ATP10B: variants seen among roughly 807,000 people sequenced by gnomAD.
ATP10B encodes the protein phospholipid-transporting ATPase VB.
ATP10B carries 122 observed loss-of-function variants against 141.2 expected under a neutral mutation model. The ratio of observed to expected loss-of-function variants is 0.86; its 90% CI spans 0.75 to 1.00. ATP10B has a LOEUF of 1.00. ATP10B is among the 50% of genes least tolerant of loss of function. The probability of loss-of-function intolerance (pLI) is 0.00; values close to 1 mark genes in which losing one functional copy is unlikely to be tolerated. For synonymous variants in ATP10B, 685 were observed against 692.0 expected (o/e 0.99, Z 0.16); for missense variants, 1,876 against 1,825.3 (o/e 1.03, Z -0.51).
intron 13 of ATP10B, among the ~76,000 whole-genome samples, chr5:160,630,193 TA>T (rs1758845703): frequency 6.6e-6 from 1 of 152,218 alleles, no homozygotes; most frequent in Non-Finnish European, 1.5e-5. Context: ...AATTGGAACT[TA>T]ACTCGTGTCA....
intron 22 of ATP10B, among the ~76,000 whole-genome samples, chr5:160,596,322 G>A (rs1756692546): frequency 6.6e-6 from 1 of 151,928 alleles, no homozygotes; most frequent in Non-Finnish European, 1.5e-5. Flanking sequence ...TGCAGAAAAG[G>A]CCTTTGACGA....
At chr5:160,669,818 T>C (rs143196458) in intron 7 of ATP10B, among the ~76,000 whole-genome samples, 423 of 149,858 alleles carry the variant, frequency 2.8e-3, no homozygotes, top group African/African-American at 0.01. Context: ...GCCAGGATGA[T>C]CTGGAACTCC....
In ATP10B at chr5:160,632,277, T is replaced by C. The variant is rs982935926; in HGVS notation, c.1472A>G (p.Gln491Arg). 2 of 1,614,090 alleles carry C rather than the reference T, an allele frequency of 1.2e-6. No individual in the cohort carries two copies. Among genetic ancestry groups the C allele is most frequent in the African/African-American group, 2.7e-5 (2 of 74,930 alleles). ...TTGGCTTCTCATAGTTGCTGGATCC[T>C]GGGCCCATCTAGCCGAGAAGGACAG... The part of the protein sequence containing the change: ...QCLSFSARWA[Q>R]DPATMRSQKG... The change falls in exon 13 of 26, where the codon CAG (glutamine) becomes CGG (arginine). Residue 491 changes from glutamine (Q) to arginine (R), a missense_variant. Physicochemically the swap from Gln to Arg is conservative, Grantham distance 43 (BLOSUM62 1). Transcript: ENST00000327245.
chr5:160,775,069 T>C (rs185229502), intron 2 of ATP10B, among the ~76,000 whole-genome samples: 36 of 152,374 alleles, frequency 2.4e-4, no homozygotes, highest in Admixed American at 6.5e-4. Flanking sequence ...GAAGTTTGTT[T>C]GACTCCTTTG....
intron 2 of ATP10B, among the ~76,000 whole-genome samples, chr5:160,759,104 A>T (rs1417371961): frequency 2.0e-5 from 3 of 152,214 alleles, no homozygotes; most frequent in Admixed American, 6.5e-5. Flanking sequence ...GTCATAAAAA[A>T]TTATGATTTA....
chr5:160,822,841 A>G (rs1774209116), intron 1 of ATP10B, among the ~76,000 whole-genome samples: 4 of 151,384 alleles, frequency 2.6e-5, no homozygotes, highest in South Asian at 2.1e-4. Flanking sequence ...ATAGAGAGTA[A>G]AAGGATGGTT....
At chr5:160,598,433 T>G (rs1360463016) in intron 22 of ATP10B, among the ~76,000 whole-genome samples, 1 of 151,966 alleles carries the variant, frequency 6.6e-6, no homozygotes, top group East Asian at 1.9e-4. Flanking sequence ...ATATACCTAA[T>G]GCTAAATGAC....
rs189043384 is a variant in ATP10B at position 160,583,840 on chromosome 5, C to T, written c.3750+5752G>A. On this transcript the variant is annotated intron_variant, in intron 24 of 25. Coordinates refer to ENST00000327245, the MANE Select transcript of ATP10B (RefSeq NM_025153.3). ...TTTGTTTACACTGTGAGGGGAATAC[C>T]ACCTACTGAAGCCTCAGTAATGGTG... Among the ~76,000 whole-genome samples the T allele has an allele frequency of 1.9e-3, 285 of 152,264 alleles. 1 individual carries two copies. The highest frequency in any genetic ancestry group is 6.5e-3 in the African/African-American group (272 of 41,528).
At chr5:160,671,036 G>A (rs1044506862) in intron 6 of ATP10B, among the ~76,000 whole-genome samples, 24 of 151,572 alleles carry the variant, frequency 1.6e-4, no homozygotes, top group African/African-American at 5.3e-4. Flanking sequence ...GTGGTGGTGC[G>A]TGCCTGTAGT....
At chr5:160,805,945 A>C (rs1035700751) in intron 1 of ATP10B, among the ~76,000 whole-genome samples, 3 of 152,172 alleles carry the variant, frequency 2.0e-5, no homozygotes, top group Non-Finnish European at 4.4e-5. Context: ...AGTGGTTCCA[A>C]GCCCTAAGGC....
the ATP10B span, among the ~76,000 whole-genome samples, chr5:160,892,003 T>G: frequency 6.6e-6 from 1 of 152,236 alleles, no homozygotes; most frequent in African/African-American, 2.4e-5. Flanking sequence ...AACAGTCATT[T>G]GTTATTTTTC....
At chr5:160,663,233 A>G (rs1379793074) in intron 7 of ATP10B, among the ~76,000 whole-genome samples, 3 of 152,160 alleles carry the variant, frequency 2.0e-5, no homozygotes, top group Non-Finnish European at 4.4e-5. Context: ...CAGTGTGGCA[A>G]TTCCTCAGGG....
chr5:160,894,127 A>G, the ATP10B span, among the ~76,000 whole-genome samples: 1 of 152,024 alleles, frequency 6.6e-6, no homozygotes, highest in African/African-American at 2.4e-5. Flanking sequence ...ATAAACCAGA[A>G]CGCGCCTCTT....
the ATP10B span, among the ~76,000 whole-genome samples, chr5:160,888,531 G>A: frequency 6.6e-6 from 1 of 152,100 alleles, no homozygotes; most frequent in African/African-American, 2.4e-5. Context: ...TAATTCATCT[G>A]GGCAGGAAAT....
At chr5:160,888,566 G>A in the ATP10B span, among the ~76,000 whole-genome samples, 2 of 152,188 alleles carry the variant, frequency 1.3e-5, no homozygotes, top group African/African-American at 4.8e-5. Flanking sequence ...CTTGAATCTA[G>A]AAGGACCGTT....
chr5:160,690,970 T>C (rs1764040688), intron 3 of ATP10B, among the ~76,000 whole-genome samples: 1 of 152,164 alleles, frequency 6.6e-6, no homozygotes, highest in Admixed American at 6.5e-5. Context: ...TGCCCATTAA[T>C]GATAGACTGG....
chr5:160,897,575 G>A, the ATP10B span, among the ~76,000 whole-genome samples: 2 of 152,176 alleles, frequency 1.3e-5, no homozygotes, highest in Non-Finnish European at 2.9e-5. Context: ...TCATGCTCAT[G>A]GATAGGAAGA....
chr5:160,876,841 G>T, the ATP10B span, among the ~76,000 whole-genome samples: 16 of 149,422 alleles, frequency 1.1e-4, no homozygotes, highest in Non-Finnish European at 1.8e-4. Context: ...CCAGGAAGAA[G>T]TTGAATCTCT....
chr5:160,856,872 AATTG>A (rs1363383820), upstream of ATP10B, among the ~76,000 whole-genome samples: 31 of 151,846 alleles, frequency 2.0e-4, no homozygotes, highest in Non-Finnish European at 3.7e-4. Context: ...CTATTACATT[AATTG>A]ATTTTCAGAT....
Sources: allele counts gnomAD v4.1 joint callset (sites outside exome capture counted in the v4.1 genomes callset), GRCh38; gene constraint gnomAD v4.1.1; transcripts MANE v1.5; gene names NCBI Gene and HGNC (gene_info 2026-07-23, HGNC 2026-07-21).